Variants in ASIC2 observed in about 807,000 individuals in gnomAD.
The protein encoded by ASIC2 is acid sensing ion channel subunit 2, also known as acid-sensing ion channel 2.
Under a neutral mutation model 57.3 loss-of-function variants are expected in ASIC2, and 25 were observed. The observed-to-expected ratio is 0.44, with a 90% CI of 0.32 to 0.61. ASIC2 has a LOEUF of 0.61. ASIC2 is among the 20% of genes least tolerant of loss of function. The pLI is 0.06. For missense variants in ASIC2, 641 were observed against 738.1 expected (o/e 0.87, Z 1.52); for synonymous variants, 319 against 307.5 (o/e 1.04, Z -0.39).
intron 1 of ASIC2, among the ~76,000 whole-genome samples, chr17:33,638,972 A>G (rs943972399): frequency 1.3e-5 from 2 of 152,062 alleles, no homozygotes; most frequent in Admixed American, 1.3e-4. Context: ...GTCATGGGCC[A>G]GATAACACAC....
chr17:33,026,725 C>T (rs1325736987), intron 4 of ASIC2, among the ~76,000 whole-genome samples: 1 of 152,172 alleles, frequency 6.6e-6, no homozygotes, highest in Non-Finnish European at 1.5e-5. Flanking sequence ...GAGTAATATT[C>T]CCCAGTACTG....
intron 1 of ASIC2, among the ~76,000 whole-genome samples, chr17:33,330,498 G>A (rs1002084463): frequency 2.0e-5 from 3 of 152,110 alleles, no homozygotes; most frequent in African/African-American, 7.2e-5. Context: ...GACACCTTCG[G>A]GCTCAGTCAT....
In ASIC2 at chr17:33,046,263, C is replaced by T. The variant is rs543456711; in HGVS notation, c.988-17871G>A. ...GTTGGGGTATAAATTGGCTTCCATTCACTATCTCTTTTGGAATAGCGGCCT... is the reference window on the plus strand; with the variant it reads ...GTTGGGGTATAAATTGGCTTCCATTTACTATCTCTTTTGGAATAGCGGCCT... On this transcript the variant is annotated intron_variant, in intron 3 of 9. Transcript: ENST00000225823. 5.3e-5 allele frequency among the ~76,000 whole-genome samples: 8 copies of T among 152,316 alleles called. No homozygotes were observed. The South Asian group carries it at 1.7e-3, about 32-fold the overall frequency.
intron 1 of ASIC2, among the ~76,000 whole-genome samples, chr17:33,469,601 A>G (rs1912975821): frequency 6.6e-6 from 1 of 152,182 alleles, no homozygotes; most frequent in African/African-American, 2.4e-5. Context: ...ACACAATGGC[A>G]AAGAGTCTCA....
At chr17:33,418,635 C>A (rs1910941805) in intron 1 of ASIC2, among the ~76,000 whole-genome samples, 1 of 152,108 alleles carries the variant, frequency 6.6e-6, no homozygotes, top group South Asian at 2.1e-4. Flanking sequence ...AATCCTTTCC[C>A]CATTGCTTAT....
chr17:33,294,603 A>C (rs1448924231), upstream of ASIC2, among the ~76,000 whole-genome samples: 1 of 152,036 alleles, frequency 6.6e-6, no homozygotes, highest in Non-Finnish European at 1.5e-5. Context: ...ACACATGTAC[A>C]AGCACACATA....
intron 1 of ASIC2, chr17:34,001,814 C>T (rs939686783): frequency 6.6e-6 from 1 of 152,230 alleles, no homozygotes; most frequent in African/African-American, 2.4e-5. Flanking sequence ...GGGTGCTGTA[C>T]TCTCTCTCCT....
chr17:33,754,084 G>A (rs1413016487), intron 1 of ASIC2, among the ~76,000 whole-genome samples: 1 of 152,080 alleles, frequency 6.6e-6, no homozygotes, highest in Non-Finnish European at 1.5e-5. Context: ...GTGGGAAGGG[G>A]TACTGATTCC....
rs369412421 is a variant in ASIC2, at chr17:33,973,407, G to A, written c.555+182571C>T. On this transcript the variant is annotated intron_variant, in intron 1 of 9. Coordinates refer to the ASIC2 transcript ENST00000359872. ...GGGGCGGGTGGAGAGGATAGAAGCT[G>A]TGCTTAAAGAGCCCTGGCAGAATGG... Among the ~76,000 whole-genome samples the A allele has an allele frequency of 3.1e-4, 47 of 152,326 alleles. No individual in the cohort carries two copies. In the East Asian group the frequency reaches 4.3e-3, roughly 14 times the overall value.
Position 33,979,737 on chromosome 17 carries a change from T to G in ASIC2, c.555+176241A>C, listed in dbSNP as rs535227126. Among the ~76,000 whole-genome samples, 19 of 152,330 alleles carry G rather than the reference T, an allele frequency of 1.2e-4. No homozygotes were observed. In the South Asian group the frequency reaches 3.9e-3, roughly 32 times the overall value. Reference sequence around the variant, plus strand: ...TACAAATTCAGGAATGCTGAGGTCATTACTCAAGGTGACATCACTTATAAG... The same window carrying G: ...TACAAATTCAGGAATGCTGAGGTCAGTACTCAAGGTGACATCACTTATAAG... On this transcript the variant is annotated intron_variant, in intron 1 of 9. Coordinates refer to the ASIC2 transcript ENST00000359872.
At chr17:34,043,306 G>A (rs1331038081) in intron 1 of ASIC2, among the ~76,000 whole-genome samples, 1 of 152,088 alleles carries the variant, frequency 6.6e-6, no homozygotes, top group Non-Finnish European at 1.5e-5. Context: ...TAGTAAATAG[G>A]TTTATTTTTT....
At chr17:33,113,592 G>A (rs1486013007) in intron 1 of ASIC2, among the ~76,000 whole-genome samples, 1 of 152,224 alleles carries the variant, frequency 6.6e-6, no homozygotes, top group East Asian at 1.9e-4. Context: ...GCACAGGCAA[G>A]TAAATAACAG....
chr17:34,156,676 T>C lies in ASIC2; in HGVS notation c.-144A>G. On this transcript the variant is annotated 5_prime_UTR_variant, in exon 1 of 10. Transcript: ENST00000359872. This position sits in a 1 kb window ranked among gnomAD's most constrained non-coding sequence, Gnocchi z 4.4. ...CGCGCCAGATGCTGTGAGTTTATCCTGAGAGCCCAGCCGCACGCTGACAGG... is the reference window on the plus strand; with the variant it reads ...CGCGCCAGATGCTGTGAGTTTATCCCGAGAGCCCAGCCGCACGCTGACAGG... 1.2e-6 allele frequency: 1 copy of C among 838,564 alleles called. No individual in the cohort carries two copies. Among genetic ancestry groups the C allele is most frequent in the Non-Finnish European group, 1.8e-6 (1 of 554,454 alleles). 51.9% of individuals were successfully genotyped at this position (838,564 alleles called of 1,614,324 possible).
chr17:33,448,003 T>C (rs1251828095), intron 1 of ASIC2, among the ~76,000 whole-genome samples: 2 of 150,810 alleles, frequency 1.3e-5, no homozygotes, highest in Non-Finnish European at 2.9e-5. Flanking sequence ...TATATGAATG[T>C]TTTATATTAT....
intron 2 of ASIC2, among the ~76,000 whole-genome samples, chr17:33,109,443 CCCGTTCTTCATACAG>C (rs2092247860): frequency 6.6e-6 from 1 of 152,160 alleles, no homozygotes; most frequent in South Asian, 2.1e-4. Context: ...CTGCTTTAAA[CCCGTTCTTCATACAG>C]CCTGCTTCCC....
intron 1 of ASIC2, among the ~76,000 whole-genome samples, chr17:34,095,627 ATAAT>A (rs1910496811): frequency 4.2e-5 from 3 of 72,140 alleles, no homozygotes; most frequent in South Asian, 3.8e-4. Context: ...ATATATATAT[ATAAT>A]TTTATATATA....
chr17:33,425,641 T>C (rs929979740), intron 1 of ASIC2, among the ~76,000 whole-genome samples: 2 of 151,648 alleles, frequency 1.3e-5, no homozygotes, highest in African/African-American at 4.8e-5. Flanking sequence ...CACAGAGAGA[T>C]GGTGGTCAGG....
At chr17:33,646,170 T>A (rs1413000441) in intron 1 of ASIC2, among the ~76,000 whole-genome samples, 1 of 152,192 alleles carries the variant, frequency 6.6e-6, no homozygotes, top group African/African-American at 2.4e-5. Context: ...ACTCAATTCT[T>A]CTGACCATGA....
rs563665715 is a variant in ASIC2, at chr17:34,130,749, A to AT, written c.555+25228dup. Among the ~76,000 whole-genome samples the AT allele has an allele frequency of 1.3e-4, 20 of 152,360 alleles. No individual in the cohort carries two copies. In the South Asian group the frequency reaches 3.9e-3, roughly 30 times the overall value. On this transcript the variant is annotated intron_variant, in intron 1 of 9. Coordinates refer to the ASIC2 transcript ENST00000359872. ...TGGGCCCTGCATTACCCATGTTTGC[A>AT]TAACTAGTGCATCCCTTAGCAACTG...
Sources: gnomAD v4.1 joint callset for allele counts (sites outside exome capture counted in the v4.1 genomes callset) on GRCh38, gnomAD v4.1.1 for gene constraint, Gnocchi (gnomAD v3.1) non-coding constraint, MANE v1.5 for transcripts, NCBI Gene and HGNC (gene_info 2026-07-23, HGNC 2026-07-21) for gene names.